ATP2C1: variants seen among roughly 807,000 people sequenced by gnomAD.
ATP2C1 encodes the protein ATPase secretory pathway Ca2+ transporting 1.
Under a neutral mutation model 120.5 loss-of-function variants are expected in ATP2C1, and 31 were observed. The observed-to-expected ratio is 0.26, with a 90% confidence interval of 0.19 to 0.35. The LOEUF (loss-of-function observed/expected upper bound fraction) is 0.35, where lower values mean the gene tolerates loss of function less well. Ranked by LOEUF, ATP2C1 falls within the 10% of genes least tolerant of loss-of-function variation. The pLI is 1.00. For missense variants in ATP2C1, 731 were observed against 1,107.5 expected (o/e 0.66, Z 4.83); for synonymous variants, 351 against 358.7 (o/e 0.98, Z 0.24).
At chr3:130,967,261 G>A (rs754447594) in intron 15 of ATP2C1, 21 bp downstream of exon 15, 1 of 1,612,562 alleles carries the variant, frequency 6.2e-7, no homozygotes, top group Admixed American at 1.7e-5. Context: ...TTTTTTCCAA[G>A]ATGGTGACTT....
intron 1 of ATP2C1, among the ~76,000 whole-genome samples, chr3:130,888,609 T>C (rs852220): frequency 0.47 from 70,858 of 152,042 alleles, 19,109 homozygotes; most frequent in Non-Finnish European, 0.61. Flanking sequence ...CACTGTGACA[T>C]GGCAGCACTG....
At chr3:131,015,935 C>T (rs2109074730) in intron 26 of ATP2C1, 1 of 718,992 alleles carries the variant, frequency 1.4e-6, no homozygotes, top group Non-Finnish European at 2.4e-6. Context: ...ATCATGGAAA[C>T]ATTCTTTGAG....
At position 131,001,885 on chromosome 3, in the gene ATP2C1, A is replaced by G. The variant is rs1370753665; in HGVS notation, c.*535A>G. 4 of 985,628 alleles carry G rather than the reference A, an allele frequency of 4.1e-6. No individual in the cohort carries two copies. The highest frequency in any genetic ancestry group is 4.8e-6 in the Non-Finnish European group (4 of 829,898). The allele number at this position is 985,628 out of a possible 1,614,324, so 61.1% of individuals were successfully genotyped here. ...AGATACCATGTGCTATCATTTTTGT[A>G]TCAAGTTTTTTGCACAGGATGTGAC... is the stretch of plus-strand genomic sequence containing the variant. On this transcript the variant is annotated 3_prime_UTR_variant, in exon 28 of 28. Transcript: ENST00000510168.
chr3:131,005,946 G>A (rs1469384927), downstream of ATP2C1, among the ~76,000 whole-genome samples: 2 of 152,250 alleles, frequency 1.3e-5, no homozygotes, highest in East Asian at 3.9e-4. Flanking sequence ...AGAGGTGAGA[G>A]CGTGTGTGTG....
At position 130,867,698 on chromosome 3, in the gene ATP2C1, T is replaced by C. The variant is rs1373849404; in HGVS notation, c.108+16770T>C. Among the ~76,000 whole-genome samples, 559 of 149,578 alleles carry C rather than the reference T, an allele frequency of 3.7e-3. 5 individuals carry two copies. Among genetic ancestry groups the C allele is most frequent in the Non-Finnish European group, 6.2e-3 (418 of 67,452 alleles). ...CCCAAAGAGCCGAGATTGCAGCCTC[T>C]GCCCGGCCGCCACCCCGTCTGGGAA... is the stretch of plus-strand genomic sequence containing the variant. On this transcript the variant is annotated intron_variant, in intron 1 of 26. Transcript: ENST00000504381.
intron 3 of ATP2C1, 25 bp from the exon 4 acceptor site, chr3:130,931,997 A>G (rs1329216309): frequency 7.1e-7 from 1 of 1,411,252 alleles, no homozygotes; most frequent in Admixed American, 1.7e-5. Context: ...CATTTTCAAT[A>G]ACTTTCATGT....
intron 18 of ATP2C1, among the ~76,000 whole-genome samples, chr3:130,978,633 G>A (rs1454461678): frequency 6.6e-6 from 1 of 152,182 alleles, no homozygotes; most frequent in Non-Finnish European, 1.5e-5. Context: ...AATAAGAAAT[G>A]TCTGTTCATG....
chr3:130,926,698 A>G (rs2108305720), intron 2 of ATP2C1, among the ~76,000 whole-genome samples: 1 of 152,378 alleles, frequency 6.6e-6, no homozygotes, highest in East Asian at 1.9e-4. Flanking sequence ...GAACCTTATC[A>G]CACACACTCA....
At chr3:130,911,943 C>T (rs1267306913) in intron 2 of ATP2C1, among the ~76,000 whole-genome samples, 14 of 138,030 alleles carry the variant, frequency 1.0e-4, no homozygotes, top group Non-Finnish European at 1.4e-4. Context: ...TCAGAAATAA[C>T]GCCGCATATC....
chr3:130,871,923 G>T (rs1470475811), intron 1 of ATP2C1, among the ~76,000 whole-genome samples: 1 of 151,960 alleles, frequency 6.6e-6, no homozygotes, highest in Non-Finnish European at 1.5e-5. Context: ...TCTGGAGGCT[G>T]GGGCTGGAGA....
rs748096121 is a variant in ATP2C1 at position 130,993,993 on chromosome 3, C to T, written c.1952C>T (p.Ala651Val). Residue 651 changes from alanine (A) to valine (V), a missense_variant, in exon 22 of 28, where the codon GCT becomes GTT. Ala to Val is a moderately conservative substitution (Grantham distance 64, BLOSUM62 0). Around this residue, in one of 3 missense-constraint regions of ATP2C1, gnomAD observed 571 missense variants for 845.9 expected, o/e 0.67. Coordinates refer to ENST00000510168, the MANE Select transcript of ATP2C1 (RefSeq NM_001378687.1). The stretch of plus-strand genomic sequence containing the variant: ...GGAGATGGAGTAAATGATGCAGTTG[C>T]TCTGAAGGCTGCAGACATTGGAGTT... ...MTGDGVNDAV[A>V]LKAADIGVAM... 6.2e-7 allele frequency: 1 copy of T among 1,614,128 alleles called. No individual in the cohort carries two copies. The highest frequency in any genetic ancestry group is 8.5e-7 in the Non-Finnish European group (1 of 1,180,012).
chr3:130,996,588 T>C, intron 23 of ATP2C1, 92 bp from the exon 24 acceptor site: 2 of 866,730 alleles, frequency 2.3e-6, no homozygotes, highest in Non-Finnish European at 4.0e-6. Flanking sequence ...AAAAGCATAG[T>C]AGTAAGAGAT....
intron 16 of ATP2C1, among the ~76,000 whole-genome samples, chr3:130,968,072 G>A (rs2061134246): frequency 6.6e-6 from 1 of 152,076 alleles, no homozygotes. Flanking sequence ...AAAGCAAGAG[G>A]CTTCTAAATG....
Position 130,956,316 on chromosome 3 carries a change from C to CTAGTAGTAG in ATP2C1, c.832+143_832+144insTAGTAGTAG. ...AATACTTTTTAAAATTATAAGACTA[C>CTAGTAGTAG]TAGTAGCCATTGTTCATTTCAACAA... On this transcript the variant is annotated intron_variant, in intron 11 of 27. Transcript: ENST00000510168. 3 of 504,756 alleles carry CTAGTAGTAG rather than the reference C, an allele frequency of 5.9e-6. No homozygotes were observed. The South Asian group carries it at 7.1e-5, about 12-fold the overall frequency. The allele number at this position is 504,756 out of a possible 1,614,324, so 31.3% of individuals were successfully genotyped here.
chr3:130,987,857 C>T (rs2062097726), intron 20 of ATP2C1, among the ~76,000 whole-genome samples: 1 of 152,118 alleles, frequency 6.6e-6, no homozygotes, highest in African/African-American at 2.4e-5. Context: ...GTACTTTGAC[C>T]TAGAGCCAGT....
intron 2 of ATP2C1, among the ~76,000 whole-genome samples, chr3:130,912,996 C>T (rs374795700): frequency 3.4e-5 from 5 of 145,514 alleles, no homozygotes; most frequent in South Asian, 2.2e-4. Context: ...AGTAAACTAT[C>T]GCAAGAACAA....
downstream of ATP2C1, among the ~76,000 whole-genome samples, chr3:131,004,273 AT>A (rs1317166889): frequency 5.9e-5 from 9 of 152,328 alleles, no homozygotes; most frequent in African/African-American, 1.4e-4. Context: ...ACAGCAGCTG[AT>A]TTGCATACTA....
At chr3:130,924,603 G>A (rs1055965862) in intron 2 of ATP2C1, among the ~76,000 whole-genome samples, 1 of 152,040 alleles carries the variant, frequency 6.6e-6, no homozygotes, top group African/African-American at 2.4e-5. Context: ...CTTGAGATTT[G>A]GATGTCTAGA....
intron 1 of ATP2C1, among the ~76,000 whole-genome samples, chr3:130,886,474 G>T (rs1200553354): frequency 6.6e-6 from 1 of 152,126 alleles, no homozygotes; most frequent in Non-Finnish European, 1.5e-5. Flanking sequence ...TAATTTAAGA[G>T]TTATTGCCCT....
Sources: gnomAD v4.1 joint callset for allele counts (sites outside exome capture counted in the v4.1 genomes callset) on GRCh38, gnomAD v4.1.1 for gene constraint, gnomAD v4.1.1 regional missense constraint, MANE v1.5 for transcripts, NCBI Gene and HGNC (gene_info 2026-07-23, HGNC 2026-07-21) for gene names.